Variants in MRPL1 observed in about 807,000 individuals in gnomAD.
The protein encoded by MRPL1 is large ribosomal subunit protein uL1m.
MRPL1 carries 28 observed loss-of-function variants against 38.0 expected under a neutral mutation model. That is an observed-to-expected ratio of 0.74 (90% confidence interval 0.55 to 1.01). The LOEUF (loss-of-function observed/expected upper bound fraction) is 1.01, where lower values mean the gene tolerates loss of function less well. Ranked by LOEUF, MRPL1 falls within the 50% of genes least tolerant of loss-of-function variation. The pLI is 0.00. For synonymous variants in MRPL1, 123 were observed against 126.7 expected (o/e 0.97, Z 0.20); for missense variants, 358 against 389.8 (o/e 0.92, Z 0.69).
chr4:77,899,085 C>T (rs1308845292), intron 6 of MRPL1, among the ~76,000 whole-genome samples: 1 of 150,484 alleles, frequency 6.6e-6, no homozygotes, highest in Non-Finnish European at 1.5e-5. Flanking sequence ...CCTCTGCCTC[C>T]TGGGTTCAGG....
chr4:77,929,074 C>T (rs944225962), intron 7 of MRPL1, among the ~76,000 whole-genome samples: 1 of 152,178 alleles, frequency 6.6e-6, no homozygotes, highest in African/African-American at 2.4e-5. Context: ...AACTGATCTC[C>T]TTTCCCTTGC....
chr4:77,952,553 T>G lies in MRPL1; in HGVS notation c.924T>G (p.Asp308Glu), dbSNP rs754973433. The G allele has an allele frequency of 8.7e-6, 14 of 1,613,450 alleles. No homozygotes were observed. The South Asian group carries it at 1.5e-4, about 18-fold the overall frequency. Residue 308 changes from aspartate to glutamate, a missense_variant, in exon 9 of 9, where the codon GAT (aspartate) becomes GAG (glutamate). Asp to Glu is a conservative substitution (Grantham distance 45, BLOSUM62 2). Transcript: ENST00000315567. ...STSEGLLLKI[D>E]PLLPKEVKNE... ...GTGAAGGTTTATTACTGAAGATTGA[T>G]CCATTGTTGCCTAAAGAAGTAAAAA...
rs1399521468 is a variant in MRPL1 at position 77,944,446 on chromosome 4, T to C, written c.778-5351T>C. Among the ~76,000 whole-genome samples, 5 of 152,352 alleles carry C rather than the reference T, an allele frequency of 3.3e-5. No homozygotes were observed. The East Asian group carries it at 7.7e-4, about 23-fold the overall frequency. On this transcript the variant is annotated intron_variant, in intron 7 of 8. Transcript: ENST00000315567. ...AGACTCAGCTTAGATACTACCTTTT[T>C]TCGTGATGAGTAAAGCCTTCCGTGT...
chr4:77,883,693 T>A (rs1449037887), intron 3 of MRPL1, among the ~76,000 whole-genome samples, 193 bp downstream of exon 3: 1 of 152,146 alleles, frequency 6.6e-6, no homozygotes, highest in Non-Finnish European at 1.5e-5. Flanking sequence ...TCCTGCCACC[T>A]CAGCTTCCTG....
intron 4 of MRPL1, among the ~76,000 whole-genome samples, chr4:77,886,793 T>TC (rs1394944612): frequency 1.1e-4 from 15 of 136,824 alleles, no homozygotes; most frequent in Middle Eastern, 3.6e-3. Context: ...CATTTTCTTT[T>TC]TTTTTTTTTT....
intron 6 of MRPL1, among the ~76,000 whole-genome samples, chr4:77,898,531 G>A (rs1735967462): frequency 6.6e-6 from 1 of 150,950 alleles, no homozygotes; most frequent in African/African-American, 2.4e-5. Flanking sequence ...TTGCTCTGTT[G>A]CCCAGGCTGG....
At chr4:77,882,595 A>G (rs190749082) in intron 2 of MRPL1, among the ~76,000 whole-genome samples, 4 of 152,304 alleles carry the variant, frequency 2.6e-5, no homozygotes, top group Admixed American at 6.5e-5. Context: ...GGCTTTTGTG[A>G]CTGGCTTCTT....
At chr4:77,879,855 G>T (rs551507768) in intron 2 of MRPL1, among the ~76,000 whole-genome samples, 1 of 152,254 alleles carries the variant, frequency 6.6e-6, no homozygotes, top group South Asian at 2.1e-4. Flanking sequence ...GGACACCTGT[G>T]CCCCATTGAA....
chr4:77,938,790 A>G (rs928074320), intron 7 of MRPL1, among the ~76,000 whole-genome samples: 2 of 152,282 alleles, frequency 1.3e-5, no homozygotes, highest in Non-Finnish European at 2.9e-5. Flanking sequence ...CACATGGTAT[A>G]AGCATATGCA....
At chr4:77,872,267 G>A (rs1456203507) in intron 2 of MRPL1, among the ~76,000 whole-genome samples, 1 of 151,368 alleles carries the variant, frequency 6.6e-6, no homozygotes, top group African/African-American at 2.4e-5. Context: ...ACCCACTGTT[G>A]CAATTAATGA....
intron 7 of MRPL1, among the ~76,000 whole-genome samples, chr4:77,919,097 A>G (rs745631921): frequency 2.0e-5 from 3 of 152,252 alleles, no homozygotes; most frequent in Non-Finnish European, 2.9e-5. Flanking sequence ...GTTACTCAAG[A>G]AAGTTAAAAC....
At chr4:77,868,533 G>T (rs1376142643) in intron 1 of MRPL1, among the ~76,000 whole-genome samples, 4 of 152,116 alleles carry the variant, frequency 2.6e-5, no homozygotes, top group Non-Finnish European at 4.4e-5. Context: ...GAGCCACCAC[G>T]CCCGACCTGG....
chr4:77,933,552 A>C (rs890488342), intron 7 of MRPL1, among the ~76,000 whole-genome samples: 1 of 152,126 alleles, frequency 6.6e-6, no homozygotes, highest in Non-Finnish European at 1.5e-5. Flanking sequence ...GAGTCAGGGA[A>C]CTCTAAGATC....
At chr4:77,935,776 C>G (rs1736956916) in intron 7 of MRPL1, among the ~76,000 whole-genome samples, 1 of 151,700 alleles carries the variant, frequency 6.6e-6, no homozygotes, top group African/African-American at 2.4e-5. Flanking sequence ...AGTAAAAATA[C>G]AAAAAATTAG....
At chr4:77,915,365 C>T (rs974580951) in intron 7 of MRPL1, among the ~76,000 whole-genome samples, 1 of 152,196 alleles carries the variant, frequency 6.6e-6, no homozygotes, top group Non-Finnish European at 1.5e-5. Context: ...AATGCTCTTA[C>T]AGTCAGCCAG....
chr4:77,929,194 GC>G (rs1485576867), intron 7 of MRPL1, among the ~76,000 whole-genome samples: 1 of 152,222 alleles, frequency 6.6e-6, no homozygotes, highest in Non-Finnish European at 1.5e-5. Flanking sequence ...AGGAGGCTGA[GC>G]AAGAGGATCT....
At chr4:77,946,904 T>A (rs1333501704) in intron 7 of MRPL1, among the ~76,000 whole-genome samples, 1 of 152,098 alleles carries the variant, frequency 6.6e-6, no homozygotes, top group Non-Finnish European at 1.5e-5. Context: ...TGCATTTTTC[T>A]GTAGCAAGAC....
At chr4:77,893,512 A>G (rs1411776415) in intron 5 of MRPL1, among the ~76,000 whole-genome samples, 1 of 151,922 alleles carries the variant, frequency 6.6e-6, no homozygotes, top group Non-Finnish European at 1.5e-5. Context: ...GAATTAATAA[A>G]AATGTTTTCT....
At chr4:77,939,850 G>GT (rs559098461) in intron 7 of MRPL1, among the ~76,000 whole-genome samples, 1 of 152,168 alleles carries the variant, frequency 6.6e-6, no homozygotes, top group African/African-American at 2.4e-5. Context: ...TGAATTGGCT[G>GT]TAAGTATTTG....
Sources: gnomAD v4.1 joint callset for allele counts (sites outside exome capture counted in the v4.1 genomes callset) on GRCh38, gnomAD v4.1.1 for gene constraint, MANE v1.5 for transcripts, NCBI Gene and HGNC (gene_info 2026-07-23, HGNC 2026-07-21) for gene names.